Variants in DPP6 observed in about 807,000 individuals in gnomAD.
The protein encoded by DPP6 is dipeptidyl peptidase like 6.
DPP6 carries 69 observed loss-of-function variants against 122.6 expected under a neutral mutation model. That is an observed-to-expected ratio of 0.56 (90% CI 0.46 to 0.69). The LOEUF (loss-of-function observed/expected upper bound fraction) is 0.69, where lower values mean the gene tolerates loss of function less well. Ranked by LOEUF, DPP6 falls within the 30% of genes least tolerant of loss-of-function variation. The probability of loss-of-function intolerance (pLI) is 0.00; values close to 1 mark genes in which losing one functional copy is unlikely to be tolerated. For synonymous variants in DPP6, 418 were observed against 433.1 expected (o/e 0.97, Z 0.43); for missense variants, 928 against 1,116.9 (o/e 0.83, Z 2.41).
the DPP6 span, among the ~76,000 whole-genome samples, chr7:153,773,339 T>TA: frequency 1.4e-5 from 2 of 146,528 alleles, no homozygotes; most frequent in Admixed American, 6.9e-5. Context: ...TATTTTTTTT[T>TA]AAAGCAGGCA....
chr7:154,779,917 T>A (rs1037887562), intron 10 of DPP6, among the ~76,000 whole-genome samples: 1 of 152,214 alleles, frequency 6.6e-6, no homozygotes, highest in Non-Finnish European at 1.5e-5. Context: ...GTGTTCCAAT[T>A]TTTTTTGGAC....
intron 1 of DPP6, among the ~76,000 whole-genome samples, chr7:154,027,436 C>T (rs1280916186): frequency 6.6e-6 from 1 of 152,150 alleles, no homozygotes; most frequent in Non-Finnish European, 1.5e-5. Flanking sequence ...TCCTGACCCA[C>T]AGAGGATGGC....
chr7:154,793,050 G>A (rs1338973073), intron 10 of DPP6, among the ~76,000 whole-genome samples: 1 of 152,224 alleles, frequency 6.6e-6, no homozygotes, highest in Non-Finnish European at 1.5e-5. Flanking sequence ...CTCCAGCCAA[G>A]GCATCTGGCT....
chr7:154,791,002 A>G (rs1459539280), intron 10 of DPP6, among the ~76,000 whole-genome samples: 1 of 152,200 alleles, frequency 6.6e-6, no homozygotes, highest in Non-Finnish European at 1.5e-5. Context: ...CTGTAGTCCC[A>G]GCACTTTGGG....
chr7:154,589,472 A>G lies in DPP6; in HGVS notation c.627+22556A>G, dbSNP rs543312045. 4.6e-5 allele frequency among the ~76,000 whole-genome samples: 7 copies of G among 152,276 alleles called. 1 individual carries two copies. In the South Asian group the frequency reaches 1.5e-3, roughly 32 times the overall value. On this transcript the variant is annotated intron_variant, in intron 5 of 25. Coordinates refer to ENST00000377770, the MANE Select transcript of DPP6 (RefSeq NM_130797.4). The stretch of plus-strand genomic sequence containing the variant: ...TTAAGTCTGCTTTTTAAAACTTCCC[A>G]TCTGCTGAATCTCATTCCACCTTTT...
At chr7:154,469,979 C>T (rs1037221151) in intron 2 of DPP6, among the ~76,000 whole-genome samples, 10 of 152,188 alleles carry the variant, frequency 6.6e-5, no homozygotes, top group Non-Finnish European at 1.3e-4. Context: ...TTAATGGTAC[C>T]GACGTTGGAA....
At chr7:154,372,580 T>C (rs1422576242) in intron 1 of DPP6, among the ~76,000 whole-genome samples, 2 of 152,190 alleles carry the variant, frequency 1.3e-5, no homozygotes, top group African/African-American at 4.8e-5. Context: ...ACTGTGGGTG[T>C]CCAGAGATGC....
chr7:154,473,754 C>A (rs1351567351), intron 2 of DPP6, among the ~76,000 whole-genome samples: 1 of 152,078 alleles, frequency 6.6e-6, no homozygotes, highest in African/African-American at 2.4e-5. Flanking sequence ...GAACAACAGT[C>A]CAAAAAGCGT....
chr7:153,763,334 G>GC, the DPP6 span, among the ~76,000 whole-genome samples: 1 of 141,624 alleles, frequency 7.1e-6, no homozygotes, highest in Non-Finnish European at 1.5e-5. Flanking sequence ...TTTTCTATAA[G>GC]CCTCTTTGCA....
the DPP6 span, among the ~76,000 whole-genome samples, chr7:153,796,196 G>A: frequency 8.3e-6 from 1 of 120,426 alleles, no homozygotes; most frequent in East Asian, 2.1e-4. Flanking sequence ...TATTGAGAGA[G>A]AGGTATGACA....
intron 7 of DPP6, among the ~76,000 whole-genome samples, chr7:154,673,901 G>A (rs1458095214): frequency 6.7e-6 from 1 of 149,188 alleles, no homozygotes; most frequent in Non-Finnish European, 1.5e-5. Context: ...TTTTTAACTG[G>A]AATCTCCCTC....
intron 16 of DPP6, among the ~76,000 whole-genome samples, chr7:154,819,646 C>T (rs1490108682): frequency 6.6e-6 from 1 of 152,032 alleles, no homozygotes; most frequent in Non-Finnish European, 1.5e-5. Flanking sequence ...TTCCAGAGCA[C>T]ATACATTTCT....
intron 1 of DPP6, among the ~76,000 whole-genome samples, chr7:154,223,061 C>T (rs10267512): frequency 0.035 from 5,151 of 149,084 alleles, 913 homozygotes; most frequent in African/African-American, 0.13. Flanking sequence ...GTAGAACAGA[C>T]TGCTACAGGT....
chr7:154,180,946 C>T (rs1798053265), intron 1 of DPP6, among the ~76,000 whole-genome samples: 1 of 152,082 alleles, frequency 6.6e-6, no homozygotes, highest in African/African-American at 2.4e-5. Flanking sequence ...GCCTATAGGT[C>T]TTACTTACAA....
At chr7:153,900,166 T>C (rs1016106449) in intron 1 of DPP6, among the ~76,000 whole-genome samples, 9 of 152,262 alleles carry the variant, frequency 5.9e-5, no homozygotes, top group African/African-American at 1.9e-4. Context: ...CGCAAACTCT[T>C]TGTGGTGAAG....
chr7:154,504,852 G>A (rs904138485), intron 3 of DPP6, among the ~76,000 whole-genome samples: 1 of 151,050 alleles, frequency 6.6e-6, no homozygotes, highest in African/African-American at 2.4e-5. Flanking sequence ...GAAACTTGTC[G>A]TTTGTGGTTT....
the DPP6 span, among the ~76,000 whole-genome samples, chr7:153,750,864 G>T: frequency 2.6e-5 from 4 of 152,218 alleles, no homozygotes; most frequent in Non-Finnish European, 5.9e-5. Flanking sequence ...CCATTAGCTA[G>T]AAGGAAAAAA....
chr7:154,418,284 T>C (rs1484364394), intron 1 of DPP6, among the ~76,000 whole-genome samples: 1 of 152,224 alleles, frequency 6.6e-6, no homozygotes, highest in Non-Finnish European at 1.5e-5. Context: ...GGTAGCATCC[T>C]TTTGTTCTGT....
chr7:154,785,687 CTG>C (rs1319759594), intron 10 of DPP6, among the ~76,000 whole-genome samples: 2 of 152,188 alleles, frequency 1.3e-5, no homozygotes, highest in Admixed American at 6.5e-5. Flanking sequence ...CATTTACACT[CTG>C]TCCTGTAATC....
Sources: allele counts gnomAD v4.1 joint callset (sites outside exome capture counted in the v4.1 genomes callset), GRCh38; gene constraint gnomAD v4.1.1; transcripts MANE v1.5; gene names NCBI Gene and HGNC (gene_info 2026-07-23, HGNC 2026-07-21).